The following PHLPP2 variants were observed in gnomAD, a reference collection of about 807,000 sequenced individuals.
PHLPP2 encodes the protein PH domain leucine-rich repeat-containing protein phosphatase 2.
PHLPP2 carries 66 observed loss-of-function variants against 124.9 expected under a neutral mutation model. The observed-to-expected ratio is 0.53, with a 90% CI of 0.43 to 0.65. The LOEUF (loss-of-function observed/expected upper bound fraction) is 0.65. Among genes scored for constraint, PHLPP2 ranks in the 30% least tolerant of loss-of-function variants. The pLI, the probability that PHLPP2 is intolerant of heterozygous loss-of-function variation, is 0.00. For missense variants in PHLPP2, 1,685 were observed against 1,600.4 expected, an observed-to-expected ratio of 1.05 and a Z score of -0.90; for synonymous variants, 681 against 624.7, an observed-to-expected ratio of 1.09 and a Z score of -1.34.
chr16:71,698,186 GCACAGTGGAAGCC>G (rs1279208696), intron 3 of PHLPP2, among the ~76,000 whole-genome samples: 8 of 152,152 alleles, frequency 5.3e-5, no homozygotes, highest in Non-Finnish European at 1.2e-4. Flanking sequence ...AGAGGGGGCA[GCACAGTGGAAGCC>G]CTCACAAGAG....
intron 3 of PHLPP2, among the ~76,000 whole-genome samples, chr16:71,691,919 G>C (rs2045117324): frequency 6.6e-6 from 1 of 151,710 alleles, no homozygotes; most frequent in Non-Finnish European, 1.5e-5. Context: ...ATCATAGTAA[G>C]ACCCTGTGTC....
At chr16:71,667,383 T>G in intron 11 of PHLPP2, 50 bp from the exon 12 acceptor site, 1 of 1,443,224 alleles carries the variant, frequency 6.9e-7, no homozygotes, top group South Asian at 1.2e-5. Flanking sequence ...CTTAAATCAT[T>G]CTTTCTGAGG....
At position 71,658,352 on chromosome 16, in the gene PHLPP2, T is replaced by G. The variant is rs148003423; in HGVS notation, c.2160A>C (p.Leu720=). The change falls in exon 15 of 19, where the codon CTA becomes CTC. Residue 720 remains leucine (L), a synonymous_variant. Transcript: ENST00000568954. ...LQLPQIQFVD[L]SCNDLTEILI... ...GGATTTCTGTCAAGTCGTTGCAACTTAGGTCTACAAACTAAGAAAAAATTG... is the reference window on the plus strand; with the variant it reads ...GGATTTCTGTCAAGTCGTTGCAACTGAGGTCTACAAACTAAGAAAAAATTG... The G allele has an allele frequency of 9.9e-6, 16 of 1,613,296 alleles. No individual in the cohort carries two copies. In the African/African-American group the frequency reaches 2.0e-4, roughly 20 times the overall value.
At chr16:71,711,495 G>C (rs1366769765) in intron 2 of PHLPP2, among the ~76,000 whole-genome samples, 3 of 152,188 alleles carry the variant, frequency 2.0e-5, no homozygotes, top group Non-Finnish European at 4.4e-5. Context: ...ACAGAAGACA[G>C]ACGTAGTATA....
At chr16:71,701,533 A>G (rs1365986924) in intron 3 of PHLPP2, among the ~76,000 whole-genome samples, 1 of 152,202 alleles carries the variant, frequency 6.6e-6, no homozygotes, top group Non-Finnish European at 1.5e-5. Context: ...TCTACTGGAA[A>G]TATCCTCTTA....
chr16:71,661,650 T>C (rs142956569), intron 13 of PHLPP2, among the ~76,000 whole-genome samples: 24 of 151,530 alleles, frequency 1.6e-4, no homozygotes, highest in African/African-American at 5.8e-4. Context: ...TAAAAAAAAA[T>C]GTAAAAGTAA....
At position 71,649,702 on chromosome 16, in the gene PHLPP2, C is replaced by A. The variant is rs765346195; in HGVS notation, c.3160G>T (p.Gly1054Ter). Reference sequence around the variant, plus strand: ...TTGATAGTGGTGGTTGAAGCAAATCCCACAGGACCTGGGAGGGTGAGCCCA... The same window carrying A: ...TTGATAGTGGTGGTTGAAGCAAATCACACAGGACCTGGGAGGGTGAGCCCA... Reference protein sequence around the residue: ...MNGLTLPGPVGFASTTTIKDA... With the variant: ...MNGLTLPGPV Residue 1054 changes from glycine to a stop codon, truncating the protein, a stop_gained, in exon 19 of 19, where the codon GGA becomes TGA. Coordinates refer to ENST00000568954, the MANE Select transcript of PHLPP2 (RefSeq NM_015020.3). LOFTEE classifies it high-confidence loss of function. 2 of 1,614,154 alleles carry A rather than the reference C, an allele frequency of 1.2e-6. No individual in the cohort carries two copies. The highest frequency in any genetic ancestry group is 8.5e-7 in the Non-Finnish European group (1 of 1,180,022).
rs2044665654 is a variant in PHLPP2 at position 71,647,991 on chromosome 16, A to G, written c.*899T>C. On this transcript the variant is annotated 3_prime_UTR_variant, in exon 19 of 19. Transcript: ENST00000568954. ...GGCTCGAGTGCAGATTCAAAAATAA[A>G]AAGTTCACAGTCAATGAAAAGTGCT... The G allele has an allele frequency of 6.6e-6, 1 of 152,670 alleles. No homozygotes were observed. Among genetic ancestry groups the G allele is most frequent in the African/African-American group, 2.4e-5 (1 of 41,454 alleles). 9.5% of individuals were successfully genotyped at this position (152,670 alleles called of 1,614,324 possible).
chr16:71,679,740 A>G (rs2044979688), intron 6 of PHLPP2, among the ~76,000 whole-genome samples: 1 of 152,208 alleles, frequency 6.6e-6, no homozygotes. Context: ...CCATGTGATG[A>G]AGGAAACCAC....
At position 71,664,106 on chromosome 16, in the gene PHLPP2, G is replaced by C; in HGVS notation, c.1785-7C>G. The C allele has an allele frequency of 6.3e-7, 1 of 1,593,822 alleles. No homozygotes were observed. The highest frequency in any genetic ancestry group is 8.6e-7 in the Non-Finnish European group (1 of 1,161,572). On this transcript the variant is annotated splice_region_variant and splice_polypyrimidine_tract_variant and intron_variant, in intron 12 of 18. Coordinates refer to ENST00000568954, the MANE Select transcript of PHLPP2 (RefSeq NM_015020.3). Reference sequence around the variant, plus strand: ...TGCATTCAAGTATCTGAGACTGACAGAACACACACAGATCATCACCTCCTT... The same window carrying C: ...TGCATTCAAGTATCTGAGACTGACACAACACACACAGATCATCACCTCCTT...
At chr16:71,710,683 T>C (rs1029344451) in intron 2 of PHLPP2, among the ~76,000 whole-genome samples, 6 of 152,226 alleles carry the variant, frequency 3.9e-5, no homozygotes, top group African/African-American at 1.4e-4. Context: ...CACCTAAACC[T>C]ACTGAATCAG....
At chr16:71,669,581 T>C (rs2044872659) in intron 10 of PHLPP2, among the ~76,000 whole-genome samples, 2 of 152,172 alleles carry the variant, frequency 1.3e-5, no homozygotes, top group African/African-American at 2.4e-5. Context: ...TACCTGAAAA[T>C]GTATAATACT....
At chr16:71,656,762 T>A (rs1484545886) in intron 15 of PHLPP2, 81 bp from the exon 16 acceptor site, 9 of 846,318 alleles carry the variant, frequency 1.1e-5, no homozygotes, top group Non-Finnish European at 1.7e-5. Flanking sequence ...TTCTTTTTTT[T>A]TTTTTGAGAT....
chr16:71,695,110 T>A (rs368433505), intron 3 of PHLPP2, among the ~76,000 whole-genome samples: 17 of 152,276 alleles, frequency 1.1e-4, no homozygotes, highest in Admixed American at 9.2e-4. Flanking sequence ...TCTATCAGAT[T>A]AGTAAATATT....
intron 5 of PHLPP2, among the ~76,000 whole-genome samples, chr16:71,682,286 C>G (rs1190617864): frequency 1.3e-5 from 2 of 149,010 alleles, no homozygotes; most frequent in Admixed American, 1.3e-4. Flanking sequence ...GGCACGATCT[C>G]AGCTTACTGC....
chr16:71,650,455 T>A (rs561824800), intron 18 of PHLPP2, among the ~76,000 whole-genome samples: 1 of 152,310 alleles, frequency 6.6e-6, no homozygotes, highest in South Asian at 2.1e-4. Context: ...GGATGTCAGC[T>A]GGGACTGAAA....
intron 18 of PHLPP2, among the ~76,000 whole-genome samples, chr16:71,651,347 A>G (rs936461625): frequency 1.1e-4 from 17 of 152,102 alleles, no homozygotes; most frequent in Admixed American, 9.2e-4. Flanking sequence ...TCAAAAAAAA[A>G]AAAAGAAAAG....
chr16:71,681,647 G>A (rs1597002120), intron 6 of PHLPP2, 104 bp downstream of exon 6: 3 of 868,664 alleles, frequency 3.5e-6, no homozygotes, highest in African/African-American at 1.7e-5. Flanking sequence ...CAAAAGGGAG[G>A]GGAAATTTTA....
intron 3 of PHLPP2, among the ~76,000 whole-genome samples, chr16:71,697,215 T>TAAATAAAAA (rs1555547739): frequency 1.1e-4 from 9 of 82,578 alleles, no homozygotes; most frequent in East Asian, 4.8e-4. Flanking sequence ...AATAAATAAA[T>TAAATAAAAA]AAAAAGAAAC....
Sources: allele counts gnomAD v4.1 joint callset (sites outside exome capture counted in the v4.1 genomes callset), GRCh38; gene constraint gnomAD v4.1.1; transcripts MANE v1.5; gene names NCBI Gene and HGNC (gene_info 2026-07-23, HGNC 2026-07-21).